The following RNF150 variants were observed in gnomAD, a reference collection of about 807,000 sequenced individuals.
RNF150 encodes ring finger protein 150.
RNF150 carries 24 observed loss-of-function variants against 39.3 expected under a neutral mutation model. The ratio of observed to expected loss-of-function variants is 0.61; its 90% CI spans 0.44 to 0.86. RNF150 has a LOEUF of 0.86. RNF150 is among the 40% of genes least tolerant of loss of function. The probability of loss-of-function intolerance (pLI) is 0.00; values close to 1 mark genes in which losing one functional copy is unlikely to be tolerated. For synonymous variants in RNF150, 255 were observed against 227.3 expected, an observed-to-expected ratio of 1.12 and a Z score of -1.10; for missense variants, 502 against 587.8, an observed-to-expected ratio of 0.85 and a Z score of 1.51.
chr4:141,183,887 T>C (rs1727954638), intron 1 of RNF150, among the ~76,000 whole-genome samples: 1 of 152,208 alleles, frequency 6.6e-6, no homozygotes, highest in Non-Finnish European at 1.5e-5. Context: ...TGTGCCATAT[T>C]TTCTTTATTT....
chr4:140,947,732 G>A lies in RNF150; in HGVS notation c.812C>T (p.Thr271Ile). 6.3e-7 allele frequency: 1 copy of A among 1,591,368 alleles called. No individual in the cohort carries two copies. Residue 271 changes from threonine (T) to isoleucine (I), a missense_variant, in exon 4 of 7, where the codon ACA becomes ATA. Transcript: ENST00000515673. ...TGCACAGTTGTCAAAATCAGACTCT[G>A]TTTCCTGCAACAGAGGAAGCACAGA... ...IRTIKKGDKETESDFDNCAVC... is the reference protein window; with the variant it reads ...IRTIKKGDKEIESDFDNCAVC...
chr4:141,157,865 G>A (rs1727439488), intron 1 of RNF150, among the ~76,000 whole-genome samples: 1 of 152,174 alleles, frequency 6.6e-6, no homozygotes, highest in Non-Finnish European at 1.5e-5. Flanking sequence ...CTCGTCCAGA[G>A]TCAAACAGCT....
At chr4:141,165,008 G>A (rs1727577045) in intron 1 of RNF150, among the ~76,000 whole-genome samples, 1 of 152,150 alleles carries the variant, frequency 6.6e-6, no homozygotes, top group South Asian at 2.1e-4. Context: ...CGGGCAAATT[G>A]GATAAAGAGT....
At chr4:141,188,760 CA>C (rs1215283039) in intron 1 of RNF150, among the ~76,000 whole-genome samples, 6 of 152,162 alleles carry the variant, frequency 3.9e-5, no homozygotes, top group Non-Finnish European at 5.9e-5. Flanking sequence ...AACCTTTTGT[CA>C]AGGTTCTTAT....
intron 4 of RNF150, among the ~76,000 whole-genome samples, chr4:140,946,444 T>C (rs188747295): frequency 1.9e-4 from 29 of 152,370 alleles, no homozygotes; most frequent in Non-Finnish European, 3.4e-4. Flanking sequence ...TTGTGGTATA[T>C]GTTTTCCTAC....
chr4:141,208,414 G>A (rs892974024), intron 1 of RNF150, among the ~76,000 whole-genome samples: 3 of 152,166 alleles, frequency 2.0e-5, no homozygotes, highest in African/African-American at 7.2e-5. Flanking sequence ...AAAGCACTTA[G>A]CGATTTCAGA....
chr4:140,877,536 C>A (rs929861239), intron 6 of RNF150, among the ~76,000 whole-genome samples: 2 of 152,172 alleles, frequency 1.3e-5, no homozygotes, highest in Admixed American at 1.3e-4. Context: ...CCCATTTATT[C>A]ATTCAACAAT....
chr4:141,077,116 G>A (rs1376868054), intron 1 of RNF150, among the ~76,000 whole-genome samples: 2 of 152,050 alleles, frequency 1.3e-5, no homozygotes. Context: ...AAGTAAAAAA[G>A]GGGGATAGAA....
rs558827618 is a variant in RNF150, at chr4:141,119,282, C to T, written c.484+13043G>A. Among the ~76,000 whole-genome samples the T allele has an allele frequency of 9.9e-5, 15 of 152,252 alleles. No individual in the cohort carries two copies. The East Asian group carries it at 2.9e-3, about 29-fold the overall frequency. ...GGAATTCTGACAACCTGTTTCTGGC[C>T]CACTGATTTTAAATTCTTCATTCTT... On this transcript the variant is annotated intron_variant, in intron 1 of 6. Transcript: ENST00000515673.
At chr4:141,158,545 C>T (rs966241676) in intron 1 of RNF150, among the ~76,000 whole-genome samples, 6 of 151,890 alleles carry the variant, frequency 4.0e-5, no homozygotes, top group Non-Finnish European at 7.4e-5. Context: ...ACTGATTTCC[C>T]AAGGCTTTAG....
intron 1 of RNF150, among the ~76,000 whole-genome samples, chr4:141,040,498 T>C (rs1419310734): frequency 6.6e-6 from 1 of 152,216 alleles, no homozygotes; most frequent in African/African-American, 2.4e-5. Flanking sequence ...CTCTTTTATA[T>C]ATTTTTTTGT....
intron 1 of RNF150, among the ~76,000 whole-genome samples, chr4:141,196,167 A>C (rs1165676665): frequency 2.0e-5 from 3 of 152,186 alleles, no homozygotes; most frequent in Admixed American, 6.5e-5. Context: ...CACAAAATAA[A>C]GAGGTATGAT....
chr4:140,897,210 C>T (rs1244294124), intron 6 of RNF150, among the ~76,000 whole-genome samples: 1 of 152,126 alleles, frequency 6.6e-6, no homozygotes, highest in African/African-American at 2.4e-5. Context: ...AATGTTCTAC[C>T]TCCAGTACCC....
chr4:141,167,698 T>A (rs1403678219), intron 1 of RNF150, among the ~76,000 whole-genome samples: 2 of 152,098 alleles, frequency 1.3e-5, no homozygotes, highest in Non-Finnish European at 2.9e-5. Flanking sequence ...GGGGAAAAAA[T>A]TCCCTATTTA....
chr4:140,962,881 T>C (rs1733096045), intron 2 of RNF150, among the ~76,000 whole-genome samples: 1 of 151,958 alleles, frequency 6.6e-6, no homozygotes, highest in Non-Finnish European at 1.5e-5. Context: ...TATGTGGCCA[T>C]AAAAATCATG....
chr4:141,206,439 G>A (rs28503416), intron 1 of RNF150, among the ~76,000 whole-genome samples: 31,966 of 121,564 alleles, frequency 0.26, 3,890 homozygotes, highest in South Asian at 0.38. Context: ...AAAAAAAAAA[G>A]AGTGTTCCCA....
At chr4:141,099,175 GA>G (rs1738913435) in intron 1 of RNF150, among the ~76,000 whole-genome samples, 1 of 151,974 alleles carries the variant, frequency 6.6e-6, no homozygotes, top group Non-Finnish European at 1.5e-5. Flanking sequence ...ATAAAAGGAT[GA>G]AAAAATACTA....
At chr4:141,088,000 G>C (rs892405610) in intron 1 of RNF150, among the ~76,000 whole-genome samples, 1 of 152,130 alleles carries the variant, frequency 6.6e-6, no homozygotes, top group Non-Finnish European at 1.5e-5. Flanking sequence ...GTGGAAGGAA[G>C]ATGAGCTCTG....
At chr4:140,887,807 C>A (rs1235106284) in intron 6 of RNF150, among the ~76,000 whole-genome samples, 1 of 152,172 alleles carries the variant, frequency 6.6e-6, no homozygotes, top group East Asian at 1.9e-4. Context: ...TAGAAACATA[C>A]TCTCTTACAC....
Sources: allele counts gnomAD v4.1 joint callset (sites outside exome capture counted in the v4.1 genomes callset), GRCh38; gene constraint gnomAD v4.1.1; transcripts MANE v1.5; gene names NCBI Gene and HGNC (gene_info 2026-07-23, HGNC 2026-07-21).